The following SREBF2 variants were observed in gnomAD, a reference collection of about 807,000 sequenced individuals.
SREBF2 encodes sterol regulatory element binding transcription factor 2, also known as sterol regulatory element-binding protein 2.
A neutral mutation model predicts 113.1 loss-of-function variants in SREBF2; 55 were observed. That is an observed-to-expected ratio of 0.49 (90% CI 0.39 to 0.61). The LOEUF is 0.61. SREBF2 is among the 20% of genes least tolerant of loss of function. The pLI is 0.00. For synonymous variants in SREBF2, 593 were observed against 605.7 expected (o/e 0.98, Z 0.31); for missense variants, 1,349 against 1,487.4 (o/e 0.91, Z 1.53).
At chr22:41,905,008 C>A in intron 18 of SREBF2, 34 bp downstream of exon 18, 1 of 1,531,722 alleles carries the variant, frequency 6.5e-7, no homozygotes, top group South Asian at 1.2e-5. Flanking sequence ...ACAGGCTGGG[C>A]CAGGCCCTGC....
At chr22:41,871,904 A>G (rs2077147070) in intron 4 of SREBF2, among the ~76,000 whole-genome samples, 1 of 150,822 alleles carries the variant, frequency 6.6e-6, no homozygotes, top group South Asian at 2.1e-4. Flanking sequence ...CTCTCAAAAA[A>G]AAAAAAAAAA....
Position 41,867,269 on chromosome 22 carries a change from C to G in SREBF2, c.527C>G (p.Thr176Ser). The G allele has an allele frequency of 6.2e-7, 1 of 1,614,222 alleles. No homozygotes were observed. Among genetic ancestry groups the G allele is most frequent in the Non-Finnish European group, 8.5e-7 (1 of 1,180,040 alleles). The stretch of plus-strand genomic sequence containing the variant: ...CCTTTGATATACCAGAATGCAGCTA[C>G]TAGCTTTCAAGGTGATTCAGAAGTT... ...QQPLIYQNAA[T>S]SFQVLQPQVQ... Residue 176 changes from threonine to serine, a missense_variant, in exon 2 of 19, where the codon ACT (threonine) becomes AGT (serine). Coordinates refer to ENST00000361204, the MANE Select transcript of SREBF2 (RefSeq NM_004599.4).
intron 1 of SREBF2, among the ~76,000 whole-genome samples, chr22:41,858,632 C>T (rs911205466): frequency 6.6e-5 from 10 of 152,014 alleles, no homozygotes; most frequent in Admixed American, 2.6e-4. Flanking sequence ...CCTGTACTCC[C>T]AGCTACCCAA....
At chr22:41,857,888 G>A (rs776160119) in intron 1 of SREBF2, among the ~76,000 whole-genome samples, 17 of 152,202 alleles carry the variant, frequency 1.1e-4, no homozygotes, top group Non-Finnish European at 1.9e-4. Context: ...GTTGAAGGAT[G>A]TGGTTGAAAG....
chr22:41,885,191 C>G (rs986488020), intron 11 of SREBF2, among the ~76,000 whole-genome samples, 180 bp downstream of exon 11: 5 of 152,188 alleles, frequency 3.3e-5, no homozygotes, highest in Non-Finnish European at 7.3e-5. Flanking sequence ...TAAAACAGAC[C>G]AAAATTCCTC....
chr22:41,864,975 C>T (rs978351777), intron 1 of SREBF2, among the ~76,000 whole-genome samples: 3 of 151,882 alleles, frequency 2.0e-5, no homozygotes, highest in African/African-American at 7.3e-5. Flanking sequence ...GACAGAGTCT[C>T]GCTGTGTTGC....
chr22:41,903,664 TTTTG>T (rs1264049748), intron 17 of SREBF2, among the ~76,000 whole-genome samples: 8 of 152,358 alleles, frequency 5.3e-5, no homozygotes, highest in African/African-American at 9.6e-5. Flanking sequence ...CTATTTCCTT[TTTTG>T]TTTATTTGTA....
intron 9 of SREBF2, among the ~76,000 whole-genome samples, chr22:41,879,406 T>C (rs2077225644): frequency 6.6e-6 from 1 of 152,154 alleles, no homozygotes; most frequent in Non-Finnish European, 1.5e-5. Flanking sequence ...CCATGGGGAC[T>C]GAGCAGGGGC....
Position 41,878,029 on chromosome 22 carries a change from T to A in SREBF2, c.1667T>A (p.Leu556Gln), listed in dbSNP as rs1428423673. 2 of 1,614,168 alleles carry A rather than the reference T, an allele frequency of 1.2e-6. No homozygotes were observed. Among genetic ancestry groups the A allele is most frequent in the Non-Finnish European group, 1.7e-6 (2 of 1,180,034 alleles). ...ATTGTCCTGAGCGTCTTTGTGAAGCTGCTGGTTCATGGGGAGCCAGTGATC... is the reference window on the plus strand; with the variant it reads ...ATTGTCCTGAGCGTCTTTGTGAAGCAGCTGGTTCATGGGGAGCCAGTGATC... ...GVIVLSVFVK[L>Q]LVHGEPVIRP... Residue 556 changes from leucine to glutamine, a missense_variant, in exon 9 of 19, where the codon CTG (leucine) becomes CAG (glutamine). This residue lies in a region of SREBF2 where 699 missense variants were observed against 843.3 expected (regional missense o/e 0.83). Transcript: ENST00000361204.
At chr22:41,886,232 A>G (rs2077297937) in intron 11 of SREBF2, 1 of 152,200 alleles carries the variant, frequency 6.6e-6, no homozygotes, top group Admixed American at 6.5e-5. Flanking sequence ...CTGAAGACAC[A>G]TCATTCTTCC....
At chr22:41,901,603 G>A (rs1396058138) in intron 16 of SREBF2, among the ~76,000 whole-genome samples, 1 of 152,206 alleles carries the variant, frequency 6.6e-6, no homozygotes, top group Non-Finnish European at 1.5e-5. Context: ...AGAGGTTGCA[G>A]TGAGTCGAGA....
rs542469644 is a variant in SREBF2 at position 41,898,726 on chromosome 22, G to A, written c.2683G>A (p.Val895Met). ...ISWLQGDDAA[V>M]RSHFTKVERI... ...CTGGCTCCAGGGAGACGATGCAGCTGTGCGCTCTCATTTTACCAAAGTGGA... is the reference window on the plus strand; with the variant it reads ...CTGGCTCCAGGGAGACGATGCAGCTATGCGCTCTCATTTTACCAAAGTGGA... The change falls in exon 15 of 19, where the codon GTG (valine) becomes ATG (methionine). Residue 895 changes from valine (V) to methionine (M), a missense_variant. By Grantham distance (21) the Val-to-Met change is conservative (BLOSUM62 1). Around this residue, in one of 2 missense-constraint regions of SREBF2, gnomAD observed 650 missense variants for 644.1 expected, o/e 1.01. Transcript: ENST00000361204. The A allele has an allele frequency of 6.2e-7, 1 of 1,614,164 alleles. No individual in the cohort carries two copies. The highest frequency in any genetic ancestry group is 2.2e-5 in the East Asian group (1 of 44,884).
At chr22:41,866,595 T>G (rs1408017265) in intron 1 of SREBF2, among the ~76,000 whole-genome samples, 2 of 151,142 alleles carry the variant, frequency 1.3e-5, no homozygotes, top group Non-Finnish European at 3.0e-5. Flanking sequence ...GGCCTGGAGG[T>G]GAGTGTGAGG....
chr22:41,901,872 A>T (rs1394901734), intron 16 of SREBF2, among the ~76,000 whole-genome samples: 1 of 152,218 alleles, frequency 6.6e-6, no homozygotes, highest in East Asian at 1.9e-4. Context: ...GCTCTGTGGT[A>T]GGAAAGTGAG....
intron 9 of SREBF2, among the ~76,000 whole-genome samples, chr22:41,879,868 C>G (rs914199728): frequency 6.6e-6 from 1 of 152,194 alleles, no homozygotes; most frequent in Non-Finnish European, 1.5e-5. Context: ...ATTAGTTCAT[C>G]TGAATCCTAG....
rs11343843 is a variant in SREBF2, at chr22:41,860,241, G to GA, written c.89-6577dup. Reference sequence around the variant, plus strand: ...ATATCTGGAAGTTTTTTAAATCAGTGAAAAAAAAAAAAAGACAAAATAGCC... The same window carrying GA: ...ATATCTGGAAGTTTTTTAAATCAGTGAAAAAAAAAAAAAAGACAAAATAGCC... On this transcript the variant is annotated intron_variant, in intron 1 of 18. Coordinates refer to ENST00000361204, the MANE Select transcript of SREBF2 (RefSeq NM_004599.4). Among the ~76,000 whole-genome samples, 98 of 130,070 alleles carry GA rather than the reference G, an allele frequency of 7.5e-4. 1 individual carries two copies. The highest frequency in any genetic ancestry group is 3.1e-3 in the Admixed American group (40 of 12,784). 85.3% of individuals were successfully genotyped at this position (130,070 alleles called of 152,430 possible).
intron 14 of SREBF2, among the ~76,000 whole-genome samples, chr22:41,897,736 C>T (rs887327353): frequency 3.3e-5 from 5 of 152,180 alleles, no homozygotes; most frequent in African/African-American, 7.2e-5. Context: ...ACCAAGCTAC[C>T]GCTGGTCACT....
At chr22:41,848,138 A>G (rs1341056138) in intron 1 of SREBF2, among the ~76,000 whole-genome samples, 3 of 151,966 alleles carry the variant, frequency 2.0e-5, no homozygotes, top group Admixed American at 6.6e-5. Flanking sequence ...TTTAGGGTAC[A>G]TGTGCACAAT....
intron 1 of SREBF2, among the ~76,000 whole-genome samples, chr22:41,842,724 T>A (rs993770067): frequency 6.6e-6 from 1 of 152,208 alleles, no homozygotes; most frequent in African/African-American, 2.4e-5. Context: ...TCACAGTGGC[T>A]CATGCCTATA....
Sources: allele counts gnomAD v4.1 joint callset (sites outside exome capture counted in the v4.1 genomes callset), GRCh38; gene constraint gnomAD v4.1.1; regional missense constraint gnomAD v4.1.1; transcripts MANE v1.5; gene names NCBI Gene and HGNC (gene_info 2026-07-23, HGNC 2026-07-21).